Variants in EMC1 observed in about 807,000 individuals in gnomAD.
EMC1 encodes the protein KIAA0090.
Under a neutral mutation model 128.8 loss-of-function variants are expected in EMC1, and 103 were observed. The ratio of observed to expected loss-of-function variants is 0.80; its 90% CI spans 0.68 to 0.94. EMC1 has a LOEUF of 0.94. EMC1 is among the 40% of genes least tolerant of loss of function. EMC1 has a pLI of 0.00. For missense variants in EMC1, 1,083 were observed against 1,250.6 expected (o/e 0.87, Z 2.02); for synonymous variants, 442 against 490.4 (o/e 0.90, Z 1.30).
intron 18 of EMC1, 135 bp from the exon 19 acceptor site, chr1:19,223,704 T>G: frequency 1.3e-6 from 1 of 746,738 alleles, no homozygotes; most frequent in South Asian, 1.9e-5. Flanking sequence ...GCTTCCTGTT[T>G]GGAATTTCTC....
At chr1:19,251,195 A>G (rs2151969966) in intron 1 of EMC1, among the ~76,000 whole-genome samples, 1 of 152,328 alleles carries the variant, frequency 6.6e-6, no homozygotes, top group Admixed American at 6.5e-5. Flanking sequence ...CTTACACGCA[A>G]GGATCAGCTT....
In EMC1 at chr1:19,217,389, A is replaced by G. The variant is rs907243300; in HGVS notation, c.*1914T>C. Reference sequence around the variant, plus strand: ...ACAATGAAACCCCGTCTCTACTAAAAATACAAAAAATTAGCTGAGCGTGGT... The same window carrying G: ...ACAATGAAACCCCGTCTCTACTAAAGATACAAAAAATTAGCTGAGCGTGGT... On this transcript the variant is annotated 3_prime_UTR_variant, in exon 23 of 23. Transcript: ENST00000477853. 1 of 152,272 alleles carries G rather than the reference A, an allele frequency of 6.6e-6. No individual in the cohort carries two copies. The highest frequency in any genetic ancestry group is 1.5e-5 in the Non-Finnish European group (1 of 68,106). The allele number at this position is 152,272 out of a possible 1,614,324, so 9.4% of individuals were successfully genotyped here. A position where few individuals can be genotyped will look rare whatever the true frequency, so the allele number is the denominator to read the frequency against.
chr1:19,235,184 G>A lies in EMC1; in HGVS notation c.1378C>T (p.Leu460Phe). ...TCGGCCTGTGCCCCAGTCAGGGGGA[G>A]GTCCACCATCTCTAGGCACACCACT... Reference protein sequence around the residue: ...AEVVCLEMVDLPLTGAQAELE... With the variant: ...AEVVCLEMVDFPLTGAQAELE... The change falls in exon 13 of 23, where the codon CTC becomes TTC. Residue 460 changes from leucine to phenylalanine, a missense_variant. Around this residue, in one of 3 missense-constraint regions of EMC1, gnomAD observed 544 missense variants for 572.4 expected, o/e 0.95. Coordinates refer to ENST00000477853, the MANE Select transcript of EMC1 (RefSeq NM_015047.3). 6.2e-7 allele frequency: 1 copy of A among 1,614,016 alleles called. No individual in the cohort carries two copies. Among genetic ancestry groups the A allele is most frequent in the South Asian group, 1.1e-5 (1 of 91,026 alleles).
At position 19,223,511 on chromosome 1, in the gene EMC1, C is replaced by A. The variant is rs971300635; in HGVS notation, c.2261G>T (p.Arg754Leu). 6.2e-7 allele frequency: 1 copy of A among 1,614,120 alleles called. No individual in the cohort carries two copies. The change falls in exon 19 of 23, where the codon CGC becomes CTC. Residue 754 changes from arginine to leucine, a missense_variant. Physicochemically the swap from Arg to Leu is moderately radical, Grantham distance 102. Around this residue, in one of 3 missense-constraint regions of EMC1, gnomAD observed 527 missense variants for 644.1 expected, o/e 0.82. Coordinates refer to ENST00000477853, the MANE Select transcript of EMC1 (RefSeq NM_015047.3). ...AATGAGGAAGATGCCAATAAAGGTG[C>A]GCTCATGGTGCGCGTCTGTGCTCTC... The part of the protein sequence containing the change: ...VTESTDAHHE[R>L]TFIGIFLIDG...
chr1:19,227,223 A>G (rs1362381438), intron 18 of EMC1, 90 bp downstream of exon 18: 6 of 1,449,324 alleles, frequency 4.1e-6, no homozygotes, highest in Admixed American at 1.8e-5. Context: ...TCAAGGTCAT[A>G]TATGTACCAA....
In EMC1 at chr1:19,216,423, G is replaced by A. The variant is rs993621874; in HGVS notation, c.*2880C>T. On this transcript the variant is annotated 3_prime_UTR_variant, in exon 23 of 23. Coordinates refer to ENST00000477853, the MANE Select transcript of EMC1 (RefSeq NM_015047.3). ...ATTTTTTCTATCAGACTTTGTTCCA[G>A]AAACTATTTCAGTCATCTTTATGAA... 1.3e-5 allele frequency: 2 copies of A among 152,030 alleles called. No individual in the cohort carries two copies. The highest frequency in any genetic ancestry group is 4.8e-5 in the African/African-American group (2 of 41,418). 9.4% of individuals were successfully genotyped at this position (152,030 alleles called of 1,614,324 possible).
rs987865318 is a variant in EMC1, at chr1:19,247,517, T to C, written c.96-2487A>G. ...GCTATAACATTGTAGTCGAATGCAT[T>C]AATCACGTTTGCGGTGAAGGTGGTG... On this transcript the variant is annotated intron_variant, in intron 1 of 22. Coordinates refer to ENST00000477853, the MANE Select transcript of EMC1 (RefSeq NM_015047.3). 1.4e-4 allele frequency among the ~76,000 whole-genome samples: 21 copies of C among 152,194 alleles called. 1 individual carries two copies. Among genetic ancestry groups the C allele is most frequent in the African/African-American group, 4.8e-4 (20 of 41,438 alleles).
At position 19,216,357 on chromosome 1, in the gene EMC1, G is replaced by A. The variant is rs2093397048; in HGVS notation, c.*2946C>T. The A allele has an allele frequency of 6.6e-6, 1 of 152,022 alleles. No homozygotes were observed. The highest frequency in any genetic ancestry group is 6.6e-5 in the Admixed American group (1 of 15,252). 9.4% of individuals were successfully genotyped at this position (152,022 alleles called of 1,614,324 possible). On this transcript the variant is annotated 3_prime_UTR_variant, in exon 23 of 23. Coordinates refer to ENST00000477853, the MANE Select transcript of EMC1 (RefSeq NM_015047.3). ...TAATGAAACTAGTTCAGATTAGATA[G>A]CTTACATTAAAGTCTCTAACACTTA...
intron 13 of EMC1, among the ~76,000 whole-genome samples, chr1:19,234,691 C>G (rs2093549908): frequency 6.6e-6 from 1 of 152,002 alleles, no homozygotes. Context: ...ACTAAAAATA[C>G]AAAAATTAAC....
chr1:19,247,271 T>C (rs1188235911), intron 1 of EMC1, among the ~76,000 whole-genome samples: 1 of 152,224 alleles, frequency 6.6e-6, no homozygotes, highest in East Asian at 1.9e-4. Flanking sequence ...ACTCCTGGGC[T>C]CAAGTAATAC....
chr1:19,243,143 G>A (rs1021593829), intron 4 of EMC1, among the ~76,000 whole-genome samples: 3 of 152,166 alleles, frequency 2.0e-5, no homozygotes, highest in African/African-American at 7.2e-5. Context: ...GCTGAGGCAC[G>A]AGAACTGCTT....
intron 1 of EMC1, among the ~76,000 whole-genome samples, chr1:19,250,845 T>G (rs2093655696): frequency 6.6e-6 from 1 of 152,086 alleles, no homozygotes; most frequent in African/African-American, 2.4e-5. Context: ...AGCAAGCTAC[T>G]CCAGGGCCTT....
intron 13 of EMC1, 146 bp downstream of exon 13, chr1:19,234,984 C>T (rs1308386955): frequency 2.5e-5 from 20 of 810,262 alleles, no homozygotes; most frequent in Middle Eastern, 4.7e-4. Context: ...ATGAATGCAC[C>T]GGAACCTCAT....
chr1:19,236,324 A>C (rs886267872), intron 12 of EMC1, among the ~76,000 whole-genome samples: 1 of 150,084 alleles, frequency 6.7e-6, no homozygotes, highest in South Asian at 2.1e-4. Context: ...ACACCATTCC[A>C]CTCCAGCCTG....
At chr1:19,239,001 C>A in intron 9 of EMC1, 144 bp from the exon 10 acceptor site, 1 of 736,482 alleles carries the variant, frequency 1.4e-6, no homozygotes, top group East Asian at 2.5e-5. Flanking sequence ...CTATTCAACC[C>A]TTAATAGCCC....
At chr1:19,220,681 C>T in intron 21 of EMC1, 83 bp downstream of exon 21, 1 of 1,163,756 alleles carries the variant, frequency 8.6e-7, no homozygotes, top group Non-Finnish European at 1.2e-6. Context: ...CATGAAGGCA[C>T]ACAGAGACCA....
At chr1:19,232,467 TTCC>T (rs2093531063) in intron 15 of EMC1, among the ~76,000 whole-genome samples, 154 bp downstream of exon 15, 1 of 152,142 alleles carries the variant, frequency 6.6e-6, no homozygotes, top group South Asian at 2.1e-4. Context: ...TGCTGGATGG[TTCC>T]TCCACCCATG....
At chr1:19,247,423 T>C (rs1359258871) in intron 1 of EMC1, among the ~76,000 whole-genome samples, 2 of 152,214 alleles carry the variant, frequency 1.3e-5, no homozygotes, top group African/African-American at 2.4e-5. Context: ...ATATACAGCA[T>C]ATACAGTGGT....
Position 19,219,196 on chromosome 1 carries a change from A to T in EMC1, c.*107T>A. 1 of 1,096,626 alleles carries T rather than the reference A, an allele frequency of 9.1e-7. No individual in the cohort carries two copies. Among genetic ancestry groups the T allele is most frequent in the Non-Finnish European group, 1.4e-6 (1 of 738,532 alleles). 67.9% of individuals were successfully genotyped at this position (1,096,626 alleles called of 1,614,324 possible). A position where few individuals can be genotyped will look rare whatever the true frequency, so the allele number is the denominator to read the frequency against. ...CCATCTTCCCTACAGTTCTTAGCTG[A>T]GCACTGACACACACACATACTCCAC... On this transcript the variant is annotated 3_prime_UTR_variant, in exon 23 of 23. Transcript: ENST00000477853.
Sources: allele counts gnomAD v4.1 joint callset (sites outside exome capture counted in the v4.1 genomes callset), GRCh38; gene constraint gnomAD v4.1.1; regional missense constraint gnomAD v4.1.1; transcripts MANE v1.5; gene names NCBI Gene and HGNC (gene_info 2026-07-23, HGNC 2026-07-21).